Variants in EIF2S1 observed in about 807,000 individuals in gnomAD.
The protein encoded by EIF2S1 is eukaryotic translation initiation factor 2 subunit alpha, also known as eukaryotic translation initiation factor 2 subunit 1.
In EIF2S1, 5 loss-of-function variants were observed where a neutral mutation model predicts 33.5. The ratio of observed to expected loss-of-function variants is 0.15; its 90% CI spans 0.08 to 0.31. EIF2S1 has a LOEUF of 0.31. Ranked by LOEUF, EIF2S1 falls within the 10% of genes least tolerant of loss-of-function variation. The pLI is 1.00. For missense variants in EIF2S1, 191 were observed against 384.6 expected, an observed-to-expected ratio of 0.50 and a Z score of 4.21; for synonymous variants, 99 against 127.5, an observed-to-expected ratio of 0.78 and a Z score of 1.51.
chr14:67,385,126 T>G lies in EIF2S1; in HGVS notation c.*1686T>G, dbSNP rs1490982862. 2 of 152,140 alleles carry G rather than the reference T, an allele frequency of 1.3e-5. No individual in the cohort carries two copies. The highest frequency in any genetic ancestry group is 2.4e-5 in the African/African-American group (1 of 41,432). The allele number at this position is 152,140 out of a possible 1,614,324, so 9.4% of individuals were successfully genotyped here. On this transcript the variant is annotated 3_prime_UTR_variant, in exon 8 of 8. Coordinates refer to ENST00000256383, the MANE Select transcript of EIF2S1 (RefSeq NM_004094.5). ...TTGTAAATTGACCCTAGCCAGAGAA[T>G]AGATCAGTATTTCACTGATACCACG...
chr14:67,374,597 A>G (rs1290638133), intron 3 of EIF2S1, 50 bp downstream of exon 3: 16 of 1,253,276 alleles, frequency 1.3e-5, no homozygotes, highest in Non-Finnish European at 1.8e-5. Context: ...TGTTTAATAA[A>G]TAATTTGAAA....
intron 7 of EIF2S1, chr14:67,382,807 G>A (rs1390873169): frequency 7.3e-6 from 4 of 546,894 alleles, no homozygotes; most frequent in Non-Finnish European, 1.3e-5. Context: ...GAATTTGCAT[G>A]TGGCATGTCT....
At chr14:67,364,561 T>G (rs186192865) in intron 1 of EIF2S1, 3 of 499,246 alleles carry the variant, frequency 6.0e-6, no homozygotes, top group African/African-American at 3.9e-5. Context: ...ATTACAAAAA[T>G]GTTGAGCAAA....
intron 1 of EIF2S1, among the ~76,000 whole-genome samples, chr14:67,362,381 A>C (rs1399616279): frequency 6.6e-6 from 1 of 152,200 alleles, no homozygotes; most frequent in East Asian, 1.9e-4. Context: ...TGAAAAAAAA[A>C]TTAACAAATT....
intron 3 of EIF2S1, among the ~76,000 whole-genome samples, chr14:67,375,974 C>G (rs1026327794): frequency 6.6e-6 from 1 of 152,014 alleles, no homozygotes; most frequent in African/African-American, 2.4e-5. Context: ...TGATGAAGAC[C>G]TTAATACTTT....
intron 2 of EIF2S1, 87 bp from the exon 3 acceptor site, chr14:67,374,381 C>A: frequency 1.5e-6 from 1 of 663,612 alleles, no homozygotes; most frequent in Non-Finnish European, 2.4e-6. Flanking sequence ...GTATGCCAAT[C>A]AAACACTTAA....
intron 5 of EIF2S1, 57 bp downstream of exon 5, chr14:67,380,822 A>G: frequency 1.1e-6 from 1 of 912,946 alleles, no homozygotes; most frequent in Non-Finnish European, 1.6e-6. Flanking sequence ...AAAAGCTATT[A>G]AATAATGAGA....
chr14:67,370,426 G>T (rs75744791), intron 2 of EIF2S1, among the ~76,000 whole-genome samples: 2,937 of 152,250 alleles, frequency 0.019, 38 homozygotes, highest in Middle Eastern at 0.034. Flanking sequence ...TTAAAAACTT[G>T]TTTTTTGTTT....
At chr14:67,380,283 T>C (rs921279802) in intron 4 of EIF2S1, among the ~76,000 whole-genome samples, 1 of 152,202 alleles carries the variant, frequency 6.6e-6, no homozygotes, top group African/African-American at 2.4e-5. Flanking sequence ...CTTTCTGTCC[T>C]GATGCCCACA....
At chr14:67,381,893 T>C (rs778997252) in intron 6 of EIF2S1, among the ~76,000 whole-genome samples, 1 of 152,196 alleles carries the variant, frequency 6.6e-6, no homozygotes, top group Non-Finnish European at 1.5e-5. Context: ...ACTGTTACTA[T>C]CACAGTGGAT....
At chr14:67,360,857 G>T (rs1254651406) in intron 1 of EIF2S1, 2 of 152,078 alleles carry the variant, frequency 1.3e-5, no homozygotes, top group African/African-American at 2.4e-5. Flanking sequence ...CTTTTCTTCC[G>T]CCCCAACAGC....
intron 3 of EIF2S1, among the ~76,000 whole-genome samples, chr14:67,375,879 G>T (rs1043658068): frequency 2.0e-5 from 3 of 152,154 alleles, no homozygotes; most frequent in Non-Finnish European, 4.4e-5. Flanking sequence ...TAAAATGAGT[G>T]TGTTAATAGA....
chr14:67,381,055 A>G (rs2085885435), intron 5 of EIF2S1, among the ~76,000 whole-genome samples: 3 of 152,166 alleles, frequency 2.0e-5, no homozygotes. Context: ...AATATTCCAA[A>G]TTTTTACAAA....
chr14:67,381,564 T>A (rs546727737), intron 5 of EIF2S1, 29 bp from the exon 6 acceptor site: 7 of 1,581,778 alleles, frequency 4.4e-6, no homozygotes, highest in South Asian at 3.3e-5. Flanking sequence ...TTGCATTTTT[T>A]ATCAACTTTT....
chr14:67,363,927 C>T (rs1417227938), intron 1 of EIF2S1: 1 of 152,166 alleles, frequency 6.6e-6, no homozygotes, highest in Non-Finnish European at 1.5e-5. Context: ...TTTAAATATG[C>T]TTCTACCCAG....
At chr14:67,375,232 C>CTGTGTGTGTGTGTG (rs3067321) in intron 3 of EIF2S1, among the ~76,000 whole-genome samples, 2 of 137,574 alleles carry the variant, frequency 1.5e-5, no homozygotes, top group African/African-American at 2.7e-5. Flanking sequence ...ATCCTCAGTT[C>CTGTGTGTGTGTGTG]TGTGTGTGTG....
At chr14:67,372,842 A>C (rs918572378) in intron 2 of EIF2S1, among the ~76,000 whole-genome samples, 50 of 152,182 alleles carry the variant, frequency 3.3e-4, no homozygotes, top group African/African-American at 1.2e-3. Flanking sequence ...AAAAAACAAA[A>C]AACAAACAAA....
At chr14:67,363,984 T>C (rs2085758394) in intron 1 of EIF2S1, 1 of 152,150 alleles carries the variant, frequency 6.6e-6, no homozygotes, top group South Asian at 2.1e-4. Context: ...GTGCTGAAAG[T>C]AGGTTGGGTG....
intron 2 of EIF2S1, among the ~76,000 whole-genome samples, chr14:67,365,519 A>ATGTT (rs2085769997): frequency 6.6e-6 from 1 of 152,232 alleles, no homozygotes; most frequent in Admixed American, 6.5e-5. Flanking sequence ...GGTAATTAGA[A>ATGTT]TGTTTGCATC....
Sources: gnomAD v4.1 joint callset for allele counts (sites outside exome capture counted in the v4.1 genomes callset) on GRCh38, gnomAD v4.1.1 for gene constraint, MANE v1.5 for transcripts, NCBI Gene and HGNC (gene_info 2026-07-23, HGNC 2026-07-21) for gene names.